The following TENM2 variants were observed in gnomAD, a reference collection of about 807,000 sequenced individuals.
TENM2 encodes the protein teneurin transmembrane protein 2, also known as teneurin-2.
A neutral mutation model predicts 245.2 loss-of-function variants in TENM2; 52 were observed. That is an observed-to-expected ratio of 0.21 (90% CI 0.17 to 0.27). TENM2 has a LOEUF of 0.27. Ranked by LOEUF, TENM2 falls within the 10% of genes least tolerant of loss-of-function variation. TENM2 has a pLI of 1.00. For missense variants in TENM2, 3,046 were observed against 3,666.8 expected, an observed-to-expected ratio of 0.83 and a Z score of 4.37; for synonymous variants, 1,363 against 1,438.9, an observed-to-expected ratio of 0.95 and a Z score of 1.19.
intron 7 of TENM2, among the ~76,000 whole-genome samples, chr5:168,082,455 C>T (rs1792089260): frequency 1.3e-5 from 2 of 152,210 alleles, no homozygotes; most frequent in South Asian, 4.1e-4. Flanking sequence ...AGCCATTCTC[C>T]GTCCAGCTTT....
At chr5:167,524,358 G>T (rs553004050) in intron 2 of TENM2, among the ~76,000 whole-genome samples, 1 of 152,230 alleles carries the variant, frequency 6.6e-6, no homozygotes, top group Non-Finnish European at 1.5e-5. Flanking sequence ...TAATGCATGT[G>T]AAGTGTTCAG....
At chr5:168,004,553 A>AC (rs1784679732) in intron 5 of TENM2, among the ~76,000 whole-genome samples, 2 of 148,770 alleles carry the variant, frequency 1.3e-5, no homozygotes, top group Admixed American at 6.7e-5. Context: ...ACACACACAC[A>AC]CACACCACTA....
chr5:167,445,213 T>C (rs549088391), intron 2 of TENM2, among the ~76,000 whole-genome samples: 1 of 151,788 alleles, frequency 6.6e-6, no homozygotes, highest in Admixed American at 6.6e-5. Flanking sequence ...GCAAATGCAT[T>C]GTCTAGAGCA....
chr5:167,010,590 T>C, the TENM2 span, among the ~76,000 whole-genome samples: 1 of 152,204 alleles, frequency 6.6e-6, no homozygotes. Flanking sequence ...CTTGGAGAAC[T>C]AATAGAGTTA....
chr5:167,489,045 ACT>A (rs1768265163), intron 2 of TENM2, among the ~76,000 whole-genome samples: 1 of 151,940 alleles, frequency 6.6e-6, no homozygotes, highest in Non-Finnish European at 1.5e-5. Flanking sequence ...CACTGCTCTA[ACT>A]CTGGTCGAAG....
intron 1 of TENM2, among the ~76,000 whole-genome samples, chr5:167,372,353 T>G (rs1158658919): frequency 6.6e-6 from 1 of 152,216 alleles, no homozygotes; most frequent in Non-Finnish European, 1.5e-5. Context: ...CTCATAAAAA[T>G]AAGATTTCAA....
intron 6 of TENM2, among the ~76,000 whole-genome samples, chr5:168,049,030 GTACT>G (rs1199148513): frequency 6.6e-6 from 1 of 152,174 alleles, no homozygotes; most frequent in Non-Finnish European, 1.5e-5. Flanking sequence ...GTCACCTCCA[GTACT>G]TGACACTGTC....
chr5:167,647,395 G>C (rs557375761), intron 2 of TENM2, among the ~76,000 whole-genome samples: 1 of 152,246 alleles, frequency 6.6e-6, no homozygotes, highest in South Asian at 2.1e-4. Context: ...GGCTGAGGCA[G>C]GTGCATCACC....
rs1432739620 is a variant in TENM2 at position 167,511,739 on chromosome 5, G to A, written c.502+136266G>A. 5.9e-5 allele frequency among the ~76,000 whole-genome samples: 9 copies of A among 152,246 alleles called. No homozygotes were observed. The East Asian group carries it at 1.4e-3, about 23-fold the overall frequency. ...CAAGCCTAAGCTAAGTTGAAAGAGA[G>A]GTGATCAATTAAGTATGTCAAGGGC... is the stretch of plus-strand genomic sequence containing the variant. On this transcript the variant is annotated intron_variant, in intron 2 of 28. Coordinates refer to ENST00000518659, the Ensembl canonical transcript of TENM2.
chr5:167,010,000 G>A, the TENM2 span, among the ~76,000 whole-genome samples: 1 of 152,168 alleles, frequency 6.6e-6, no homozygotes, highest in East Asian at 1.9e-4. Flanking sequence ...TTAGGTTATA[G>A]TTCTTAGTTT....
At chr5:167,997,850 T>C (rs993498743) in intron 5 of TENM2, among the ~76,000 whole-genome samples, 2 of 152,232 alleles carry the variant, frequency 1.3e-5, no homozygotes, top group Admixed American at 1.3e-4. Context: ...TTCCTAAGAA[T>C]ACCTTTCAGG....
At chr5:168,216,743 A>G in intron 21 of TENM2, 25 bp from the exon 24 acceptor site, 2 of 1,613,574 alleles carry the variant, frequency 1.2e-6, no homozygotes, top group Non-Finnish European at 1.7e-6. Context: ...CCAAGAGATA[A>G]ATCCACACCG....
intron 1 of TENM2, among the ~76,000 whole-genome samples, chr5:167,353,567 G>C (rs1255070152): frequency 2.2e-5 from 3 of 136,618 alleles, no homozygotes; most frequent in Non-Finnish European, 4.6e-5. Flanking sequence ...GAGTGCAGTG[G>C]CGGGATCTCG....
At chr5:167,401,083 C>G (rs1234757351) in intron 2 of TENM2, among the ~76,000 whole-genome samples, 1 of 152,080 alleles carries the variant, frequency 6.6e-6, no homozygotes, top group Non-Finnish European at 1.5e-5. Flanking sequence ...CAGAGTGACA[C>G]TCTGTCTCTT....
At chr5:167,484,655 A>C (rs894993401) in intron 2 of TENM2, among the ~76,000 whole-genome samples, 2 of 152,180 alleles carry the variant, frequency 1.3e-5, no homozygotes, top group African/African-American at 4.8e-5. Flanking sequence ...ACAGTGTCTT[A>C]CAACAATGAA....
intron 4 of TENM2, among the ~76,000 whole-genome samples, chr5:167,959,492 G>T (rs1225305102): frequency 6.6e-6 from 1 of 152,032 alleles, no homozygotes; most frequent in African/African-American, 2.4e-5. Flanking sequence ...AATCTATTTG[G>T]CTATTGATAC....
intron 3 of TENM2, among the ~76,000 whole-genome samples, chr5:167,892,883 A>G (rs923309576): frequency 6.6e-5 from 10 of 152,146 alleles, no homozygotes; most frequent in Non-Finnish European, 1.3e-4. Context: ...ATACCTCTCC[A>G]TTGCACAATG....
intron 2 of TENM2, among the ~76,000 whole-genome samples, chr5:167,526,377 C>CACACACAG (rs1771114640): frequency 6.6e-6 from 1 of 151,464 alleles, no homozygotes; most frequent in Non-Finnish European, 1.5e-5. Context: ...CACACACACA[C>CACACACAG]ACACACACAC....
At chr5:167,001,964 T>C in the TENM2 span, among the ~76,000 whole-genome samples, 1 of 152,182 alleles carries the variant, frequency 6.6e-6, no homozygotes, top group Admixed American at 6.5e-5. Context: ...TTGATTTAAT[T>C]CATATCATAT....
Sources: gnomAD v4.1 joint callset for allele counts (sites outside exome capture counted in the v4.1 genomes callset) on GRCh38, gnomAD v4.1.1 for gene constraint, MANE v1.5 for transcripts, NCBI Gene and HGNC (gene_info 2026-07-23, HGNC 2026-07-21) for gene names.